LRRC4C: variants seen among roughly 807,000 people sequenced by gnomAD.
LRRC4C encodes the protein leucine-rich repeat-containing protein 4C.
A neutral mutation model predicts 33.6 loss-of-function variants in LRRC4C; 5 were observed. The ratio of observed to expected loss-of-function variants is 0.15; its 90% CI spans 0.08 to 0.31. The LOEUF (loss-of-function observed/expected upper bound fraction) is 0.31, where lower values mean the gene tolerates loss of function less well. LRRC4C is among the 10% of genes least tolerant of loss of function. The pLI is 1.00. For synonymous variants in LRRC4C, 329 were observed against 302.0 expected (o/e 1.09, Z -0.93); for missense variants, 560 against 796.7 (o/e 0.70, Z 3.58).
At chr11:40,967,894 C>T (rs943298661) in intron 1 of LRRC4C, among the ~76,000 whole-genome samples, 1 of 150,818 alleles carries the variant, frequency 6.6e-6, no homozygotes, top group African/African-American at 2.4e-5. Flanking sequence ...AAAATGAGAC[C>T]AATTAATAAG....
chr11:41,404,400 C>T (rs1954139560), intron 1 of LRRC4C, among the ~76,000 whole-genome samples: 1 of 151,650 alleles, frequency 6.6e-6, no homozygotes, highest in Non-Finnish European at 1.5e-5. Context: ...GTGGAGATGG[C>T]CCAGGTATTT....
intron 1 of LRRC4C, among the ~76,000 whole-genome samples, chr11:41,136,758 C>G (rs1306560149): frequency 6.6e-6 from 1 of 152,130 alleles, no homozygotes; most frequent in East Asian, 1.9e-4. Context: ...TCCTCTCCTT[C>G]CCACTACCAA....
intron 2 of LRRC4C, among the ~76,000 whole-genome samples, chr11:40,835,687 C>T (rs1952638988): frequency 6.6e-6 from 1 of 151,964 alleles, no homozygotes; most frequent in African/African-American, 2.4e-5. Flanking sequence ...CTAGATATCA[C>T]AAAGAAAGAC....
At chr11:41,208,218 G>T (rs1590936838) in intron 1 of LRRC4C, among the ~76,000 whole-genome samples, 3 of 152,200 alleles carry the variant, frequency 2.0e-5, no homozygotes, top group Admixed American at 2.0e-4. Context: ...GCTAAATTGT[G>T]TTCTAGTGTT....
intron 2 of LRRC4C, among the ~76,000 whole-genome samples, chr11:40,700,927 T>C (rs1945835625): frequency 6.6e-6 from 1 of 152,198 alleles, no homozygotes; most frequent in African/African-American, 2.4e-5. Flanking sequence ...AATTATTGAC[T>C]TCGCTCTTTC....
intron 1 of LRRC4C, among the ~76,000 whole-genome samples, chr11:41,039,095 A>AT (rs893679451): frequency 2.0e-5 from 3 of 151,970 alleles, no homozygotes; most frequent in African/African-American, 4.8e-5. Context: ...AATCCTTCTT[A>AT]TTTTTTTGTA....
At position 41,401,200 on chromosome 11, in the gene LRRC4C, C is replaced by T. The variant is rs138891468; in HGVS notation, c.-496+58231G>A. 1.1e-4 allele frequency among the ~76,000 whole-genome samples: 17 copies of T among 151,980 alleles called. No individual in the cohort carries two copies. The East Asian group carries it at 3.3e-3, about 30-fold the overall frequency. On this transcript the variant is annotated intron_variant, in intron 1 of 6. Transcript: ENST00000528697. Reference sequence around the variant, plus strand: ...TACTATTTACTAAAGTAACTGAGAGCTACACATGGCTTTCTACATTTGAAT... The same window carrying T: ...TACTATTTACTAAAGTAACTGAGAGTTACACATGGCTTTCTACATTTGAAT...
At chr11:40,527,627 T>C (rs1201655201) in intron 3 of LRRC4C, among the ~76,000 whole-genome samples, 1 of 152,128 alleles carries the variant, frequency 6.6e-6, no homozygotes, top group African/African-American at 2.4e-5. Context: ...AGTCCCAAGT[T>C]TCCAAGGAAG....
At chr11:41,041,319 G>A (rs910366817) in intron 1 of LRRC4C, among the ~76,000 whole-genome samples, 3 of 152,100 alleles carry the variant, frequency 2.0e-5, no homozygotes, top group Admixed American at 1.3e-4. Flanking sequence ...TCAGAAATAC[G>A]AGGAAAGGAA....
intron 2 of LRRC4C, among the ~76,000 whole-genome samples, chr11:40,890,060 T>C (rs1955631770): frequency 6.6e-6 from 1 of 152,168 alleles, no homozygotes. Context: ...GTCTCCATCA[T>C]ACCTTCCTTG....
At chr11:40,755,502 G>T (rs569878027) in intron 2 of LRRC4C, among the ~76,000 whole-genome samples, 386 of 152,166 alleles carry the variant, frequency 2.5e-3, no homozygotes, top group Non-Finnish European at 4.4e-3. Context: ...ATTATTAATA[G>T]CCTCCTTATT....
At chr11:40,180,135 G>C (rs986491595) in intron 5 of LRRC4C, among the ~76,000 whole-genome samples, 3 of 152,142 alleles carry the variant, frequency 2.0e-5, no homozygotes, top group Non-Finnish European at 4.4e-5. Context: ...AAGATCATTT[G>C]CATTTTAAAA....
chr11:40,266,061 G>T (rs986535427), intron 4 of LRRC4C, among the ~76,000 whole-genome samples: 1 of 152,104 alleles, frequency 6.6e-6, no homozygotes, highest in Non-Finnish European at 1.5e-5. Context: ...ACTTTGGGAG[G>T]CCGAGGCAGG....
At chr11:41,271,109 C>A (rs902621664) in intron 1 of LRRC4C, among the ~76,000 whole-genome samples, 10 of 152,200 alleles carry the variant, frequency 6.6e-5, no homozygotes, top group Admixed American at 4.6e-4. Flanking sequence ...CCAGGTAGGA[C>A]TAGGACATAT....
chr11:41,404,527 G>GACACACACAC (rs1222418245), intron 1 of LRRC4C, among the ~76,000 whole-genome samples: 1 of 69,388 alleles, frequency 1.4e-5, no homozygotes. Context: ...CAGACACAAA[G>GACACACACAC]ACACACAGAC....
chr11:40,694,011 C>T (rs575262207), intron 2 of LRRC4C, among the ~76,000 whole-genome samples: 5 of 152,108 alleles, frequency 3.3e-5, no homozygotes, highest in South Asian at 2.1e-4. Context: ...TTATTGAGAC[C>T]GTGAAAAACA....
At chr11:40,732,799 A>G (rs1947658164) in intron 2 of LRRC4C, among the ~76,000 whole-genome samples, 2 of 152,204 alleles carry the variant, frequency 1.3e-5, no homozygotes, top group Admixed American at 6.5e-5. Flanking sequence ...TTTGAATGCT[A>G]AATGAGGTAT....
Position 40,987,348 on chromosome 11 carries a change from A to G in LRRC4C, c.-495-53625T>C, listed in dbSNP as rs193127609. ...CTGTATTCCTGTTTTGTAGATGAGA[A>G]AACAGAAACTGAGAGTTTAATAACT... On this transcript the variant is annotated intron_variant, in intron 1 of 6. Transcript: ENST00000528697. Among the ~76,000 whole-genome samples the G allele has an allele frequency of 2.0e-5, 3 of 152,262 alleles. No individual in the cohort carries two copies. The East Asian group carries it at 5.8e-4, about 29-fold the overall frequency.
chr11:41,258,685 G>T (rs1434190574), intron 1 of LRRC4C, among the ~76,000 whole-genome samples: 1 of 151,974 alleles, frequency 6.6e-6, no homozygotes, highest in Non-Finnish European at 1.5e-5. Context: ...GAGGAAAAAT[G>T]TAATTGACAT....
Sources: gnomAD v4.1 joint callset for allele counts (sites outside exome capture counted in the v4.1 genomes callset) on GRCh38, gnomAD v4.1.1 for gene constraint, MANE v1.5 for transcripts, NCBI Gene and HGNC (gene_info 2026-07-23, HGNC 2026-07-21) for gene names.